TLR2: variants seen among roughly 807,000 people sequenced by gnomAD.
The protein encoded by TLR2 is toll like receptor 2.
TLR2 carries 7 observed loss-of-function variants against 9.1 expected under a neutral mutation model. That is an observed-to-expected ratio of 0.77 (90% CI 0.44 to 1.44). The LOEUF is 1.44. TLR2 is among the 40% of genes most tolerant of loss of function. The probability of loss-of-function intolerance (pLI) is 0.01; values close to 1 mark genes in which losing one functional copy is unlikely to be tolerated. For synonymous variants in TLR2, 317 were observed against 344.6 expected (o/e 0.92, Z 0.89); for missense variants, 812 against 904.6 (o/e 0.90, Z 1.31).
Position 153,703,651 on chromosome 4 carries a change from T to C in TLR2, c.744T>C (p.Asn248=). The change falls in exon 3 of 3, where the codon AAT becomes AAC. Residue 248 remains asparagine (N), a synonymous_variant. Coordinates refer to ENST00000642700, the MANE Select transcript of TLR2 (RefSeq NM_001318789.2). ...HFSELSTGET[N]SLIKKFTFRN... ...CAGAACTATCCACTGGTGAAACAAA[T>C]TCATTGATTAAAAAGTTTACATTTA... 6.2e-7 allele frequency: 1 copy of C among 1,613,072 alleles called. No individual in the cohort carries two copies. The highest frequency in any genetic ancestry group is 8.5e-7 in the Non-Finnish European group (1 of 1,179,718).
intron 2 of TLR2, among the ~76,000 whole-genome samples, chr4:153,697,053 C>A (rs954670118): frequency 2.0e-5 from 3 of 151,492 alleles, no homozygotes; most frequent in South Asian, 2.1e-4. Context: ...GTTGTTAAGA[C>A]AATGAGAAAG....
downstream of TLR2, chr4:153,710,575 G>T: frequency 1.6e-6 from 2 of 1,242,058 alleles, no homozygotes; most frequent in Non-Finnish European, 2.3e-6. Context: ...AATAAACAAT[G>T]TAATGAATGG....
chr4:153,690,816 G>A lies in TLR2; in HGVS notation c.-17+2769G>A, dbSNP rs138216463. ...TTAGATATTGCAGTAGCAACTAGGCGATCAGCCATTTGATTCCCTTCAGTT... is the reference window on the plus strand; with the variant it reads ...TTAGATATTGCAGTAGCAACTAGGCAATCAGCCATTTGATTCCCTTCAGTT... On this transcript the variant is annotated intron_variant, in intron 2 of 2. Transcript: ENST00000642700. Among the ~76,000 whole-genome samples, 767 of 152,316 alleles carry A rather than the reference G, an allele frequency of 5.0e-3. 8 individuals are homozygous for A. The highest frequency in any genetic ancestry group is 0.018 in the African/African-American group (732 of 41,576).
In TLR2 at chr4:153,703,113, A is replaced by G. The variant is rs753737595; in HGVS notation, c.206A>G (p.Asn69Ser). Residue 69 changes from asparagine (N) to serine (S), a missense_variant, in exon 3 of 3, where the codon AAC (asparagine) becomes AGC (serine). Physicochemically the swap from Asn to Ser is conservative, Grantham distance 46. Transcript: ENST00000642700. ...LSNNRITYIS[N>S]SDLQRCVNLQ... Reference sequence around the variant, plus strand: ...AACAACAGGATCACCTACATTAGCAACAGTGACCTACAGAGGTGTGTGAAC... The same window carrying G: ...AACAACAGGATCACCTACATTAGCAGCAGTGACCTACAGAGGTGTGTGAAC... 3 of 1,613,992 alleles carry G rather than the reference A, an allele frequency of 1.9e-6. No individual in the cohort carries two copies. Among genetic ancestry groups the G allele is most frequent in the Admixed American group, 1.7e-5 (1 of 59,980 alleles).
chr4:153,694,697 C>T (rs1736367451), intron 2 of TLR2, among the ~76,000 whole-genome samples: 1 of 152,144 alleles, frequency 6.6e-6, no homozygotes, highest in Non-Finnish European at 1.5e-5. Flanking sequence ...TCCAATTAAA[C>T]CTTTTATCAT....
At chr4:153,710,156 G>A, downstream of TLR2, 1 of 440,900 alleles carries the variant, frequency 2.3e-6, no homozygotes, top group Non-Finnish European at 4.1e-6. Context: ...TTAAGAAACA[G>A]CTGTAATGGG....
rs145961078 is a variant in TLR2 at position 153,704,445 on chromosome 4, C to T, written c.1538C>T (p.Thr513Met). Residue 513 changes from threonine (T) to methionine (M), a missense_variant, in exon 3 of 3, where the codon ACG becomes ATG. Thr to Met is a moderately conservative substitution (Grantham distance 81). Coordinates refer to ENST00000642700, the MANE Select transcript of TLR2 (RefSeq NM_001318789.2). Reference protein sequence around the residue: ...VLKISRNAITTFSKEQLDSFH... With the variant: ...VLKISRNAITMFSKEQLDSFH... ...AAAATCAGTAGGAATGCAATAACTA[C>T]GTTTTCTAAGGAGCAACTTGACTCA... The T allele has an allele frequency of 9.5e-5, 154 of 1,614,028 alleles. No individual in the cohort carries two copies. The highest frequency in any genetic ancestry group is 1.2e-4 in the Non-Finnish European group (137 of 1,180,024).
At chr4:153,701,263 C>T (rs1286996784) in intron 2 of TLR2, among the ~76,000 whole-genome samples, 1 of 152,072 alleles carries the variant, frequency 6.6e-6, no homozygotes, top group Non-Finnish European at 1.5e-5. Flanking sequence ...GGGGTCTTTC[C>T]TCAGGTATGG....
In TLR2 at chr4:153,702,763, TGTGTG is replaced by T. The variant is rs1391143555; in HGVS notation, c.-16-128_-16-124del. 4.5e-4 allele frequency: 12 copies of T among 26,894 alleles called. No homozygotes were observed. In the African/African-American group the frequency reaches 7.6e-3, roughly 17 times the overall value. 1.7% of individuals were successfully genotyped at this position (26,894 alleles called of 1,614,324 possible). A position where few individuals can be genotyped will look rare whatever the true frequency, so the allele number is the denominator to read the frequency against. On this transcript the variant is annotated intron_variant, in intron 2 of 2. Transcript: ENST00000642700. ...ATCTGTTTCTCTCTCTCTCTCTCTT[TGTGTG>T]TGTGTGTGTGTGTGTGTGTGTGTGT...
chr4:153,704,665 C>A lies in TLR2; in HGVS notation c.1758C>A (p.His586Gln), dbSNP rs757525987. The change falls in exon 3 of 3, where the codon CAC (histidine) becomes CAA (glutamine). Residue 586 changes from histidine to glutamine, a missense_variant. His to Gln is a conservative substitution (Grantham distance 24). Transcript: ENST00000642700. ...QDVRLSVSEC[H>Q]RTALVSGMCC... Reference sequence around the variant, plus strand: ...TCCGCCTCTCGGTGTCGGAATGTCACAGGACAGCACTGGTGTCTGGCATGT... The same window carrying A: ...TCCGCCTCTCGGTGTCGGAATGTCAAAGGACAGCACTGGTGTCTGGCATGT... 4 of 1,613,042 alleles carry A rather than the reference C, an allele frequency of 2.5e-6. No homozygotes were observed. In the East Asian group the frequency reaches 8.9e-5, roughly 36 times the overall value.
At chr4:153,692,761 G>T (rs1736208892) in intron 2 of TLR2, among the ~76,000 whole-genome samples, 1 of 152,058 alleles carries the variant, frequency 6.6e-6, no homozygotes, top group African/African-American at 2.4e-5. Flanking sequence ...TTTTTGTATA[G>T]TCCCAGGTTG....
intron 1 of TLR2, among the ~76,000 whole-genome samples, chr4:153,687,337 A>G (rs565454179): frequency 6.6e-6 from 1 of 152,312 alleles, no homozygotes; most frequent in African/African-American, 2.4e-5. Flanking sequence ...ATAGAAATTA[A>G]TGTGCTAGAA....
At chr4:153,685,351 A>G (rs1735630031) in intron 1 of TLR2, among the ~76,000 whole-genome samples, 1 of 152,140 alleles carries the variant, frequency 6.6e-6, no homozygotes. Flanking sequence ...AGGTGATTGG[A>G]AGTGGTGGGT....
intron 2 of TLR2, among the ~76,000 whole-genome samples, chr4:153,697,451 GT>G (rs1472868724): frequency 2.0e-5 from 3 of 152,090 alleles, no homozygotes; most frequent in Non-Finnish European, 4.4e-5. Context: ...AAGAGAAAGA[GT>G]TTCTACAATT....
At position 153,685,644 on chromosome 4, in the gene TLR2, A is replaced by G. The variant is rs1360766805; in HGVS notation, c.-163+1284A>G. The stretch of plus-strand genomic sequence containing the variant: ...AACATCTTTAAGTTCTTTATAATGT[A>G]CCCATTTTACATTTACAAAAACTGC... On this transcript the variant is annotated intron_variant, in intron 1 of 2. Transcript: ENST00000642700. Among the ~76,000 whole-genome samples, 5 of 152,200 alleles carry G rather than the reference A, an allele frequency of 3.3e-5. 1 individual carries two copies. Among genetic ancestry groups the G allele is most frequent in the Admixed American group, 1.3e-4 (2 of 15,284 alleles).
chr4:153,690,979 A>T (rs1578970248), intron 2 of TLR2, among the ~76,000 whole-genome samples: 1 of 152,358 alleles, frequency 6.6e-6, no homozygotes, highest in Middle Eastern at 3.4e-3. Context: ...GAGCATTTTC[A>T]ATTAATTGTA....
Position 153,705,181 on chromosome 4 carries a change from C to T in TLR2, c.2274C>T (p.Thr758=). Residue 758 remains threonine (T), a synonymous_variant, in exon 3 of 3, where the codon ACC becomes ACT. Coordinates refer to ENST00000642700, the MANE Select transcript of TLR2 (RefSeq NM_001318789.2). ...RFCKLRKIMN[T]KTYLEWPMDE... ...GCAAGCTGCGGAAGATAATGAACAC[C>T]AAGACCTACCTGGAGTGGCCCATGG... is the stretch of plus-strand genomic sequence containing the variant. 1 of 1,613,988 alleles carries T rather than the reference C, an allele frequency of 6.2e-7. No homozygotes were observed. Among genetic ancestry groups the T allele is most frequent in the Non-Finnish European group, 8.5e-7 (1 of 1,179,920 alleles).
chr4:153,700,411 T>C (rs1441638020), intron 2 of TLR2, among the ~76,000 whole-genome samples: 1 of 152,140 alleles, frequency 6.6e-6, no homozygotes, highest in Non-Finnish European at 1.5e-5. Context: ...TAAAATACTA[T>C]TGTGATAAGT....
chr4:153,689,207 C>T (rs573795955), intron 2 of TLR2, among the ~76,000 whole-genome samples: 28 of 152,074 alleles, frequency 1.8e-4, no homozygotes, highest in Non-Finnish European at 1.0e-4. Flanking sequence ...CTTTTTTATT[C>T]TTTCCTGAAT....
Sources: gnomAD v4.1 joint callset for allele counts (sites outside exome capture counted in the v4.1 genomes callset) on GRCh38, gnomAD v4.1.1 for gene constraint, MANE v1.5 for transcripts, NCBI Gene and HGNC (gene_info 2026-07-23, HGNC 2026-07-21) for gene names.